The following GRID2 variants were observed in gnomAD, a reference collection of about 807,000 sequenced individuals.
GRID2 encodes glutamate ionotropic receptor delta type subunit 2.
In GRID2, 33 loss-of-function variants were observed where a neutral mutation model predicts 114.8. The observed-to-expected ratio is 0.29, with a 90% CI of 0.22 to 0.38. The LOEUF (loss-of-function observed/expected upper bound fraction) is 0.38, where lower values mean the gene tolerates loss of function less well. Ranked by LOEUF, GRID2 falls within the 10% of genes least tolerant of loss-of-function variation. The probability of loss-of-function intolerance (pLI) is 1.00; values close to 1 mark genes in which losing one functional copy is unlikely to be tolerated. For missense variants in GRID2, 1,184 were observed against 1,257.7 expected (o/e 0.94, Z 0.89); for synonymous variants, 505 against 449.9 (o/e 1.12, Z -1.55).
intron 2 of GRID2, among the ~76,000 whole-genome samples, chr4:92,874,442 CAAAT>C (rs1470258107): frequency 2.0e-5 from 3 of 152,042 alleles, no homozygotes; most frequent in African/African-American, 7.3e-5. Flanking sequence ...TCTATGCTTT[CAAAT>C]AAATGTCATA....
At chr4:92,960,087 G>A (rs1560746813) in intron 2 of GRID2, among the ~76,000 whole-genome samples, 1 of 151,948 alleles carries the variant, frequency 6.6e-6, no homozygotes, top group African/African-American at 2.4e-5. Flanking sequence ...CTATCTTTCT[G>A]TTATGGATTT....
chr4:93,783,941 G>T (rs1195746550), intron 1 of GRID2, among the ~76,000 whole-genome samples: 1 of 149,128 alleles, frequency 6.7e-6, no homozygotes, highest in Non-Finnish European at 1.5e-5. Context: ...GCGTAGTGGC[G>T]GGCGCCTGTA....
intron 11 of GRID2, among the ~76,000 whole-genome samples, chr4:93,460,429 C>T (rs1439182613): frequency 6.6e-6 from 1 of 152,180 alleles, no homozygotes; most frequent in African/African-American, 2.4e-5. Context: ...TCTACTCCCA[C>T]TCTCTGTCTT....
intron 1 of GRID2, among the ~76,000 whole-genome samples, chr4:92,480,111 T>C (rs1315254055): frequency 6.6e-6 from 1 of 152,110 alleles, no homozygotes; most frequent in Non-Finnish European, 1.5e-5. Context: ...ATAATTTTTC[T>C]TGTCAAAAAA....
chr4:93,441,017 A>G (rs1721574862), intron 10 of GRID2, among the ~76,000 whole-genome samples: 1 of 152,054 alleles, frequency 6.6e-6, no homozygotes, highest in Non-Finnish European at 1.5e-5. Context: ...GGACAAACAA[A>G]ACTTCAGTAA....
At chr4:93,440,875 T>C (rs542580130) in intron 10 of GRID2, among the ~76,000 whole-genome samples, 1 of 152,022 alleles carries the variant, frequency 6.6e-6, no homozygotes, top group East Asian at 1.9e-4. Flanking sequence ...CTTGGCCTAA[T>C]AGATGGCAAG....
intron 1 of GRID2, among the ~76,000 whole-genome samples, chr4:92,344,987 C>A (rs1034661534): frequency 4.6e-5 from 7 of 152,136 alleles, no homozygotes; most frequent in Non-Finnish European, 8.8e-5. Context: ...CACCTGTCAC[C>A]CAAGTAGTGT....
chr4:93,482,430 A>C lies in GRID2; in HGVS notation c.1859-8209A>C, dbSNP rs890676988. On this transcript the variant is annotated intron_variant, in intron 11 of 15. Coordinates refer to ENST00000282020, the MANE Select transcript of GRID2 (RefSeq NM_001510.4). ...AAAACATCATTCTCAGAAAACTAACACAGGAACAGAAAACCAAACACCACA... is the reference window on the plus strand; with the variant it reads ...AAAACATCATTCTCAGAAAACTAACCCAGGAACAGAAAACCAAACACCACA... Among the ~76,000 whole-genome samples the C allele has an allele frequency of 1.1e-4, 16 of 152,044 alleles. 1 individual carries two copies. Among genetic ancestry groups the C allele is most frequent in the Admixed American group, 8.5e-4 (13 of 15,246 alleles).
At chr4:93,487,696 C>A (rs991004614) in intron 11 of GRID2, among the ~76,000 whole-genome samples, 1 of 151,874 alleles carries the variant, frequency 6.6e-6, no homozygotes, top group African/African-American at 2.4e-5. Flanking sequence ...TTGGTATATG[C>A]CCCTCAGGGA....
intron 2 of GRID2, among the ~76,000 whole-genome samples, chr4:92,711,348 C>T (rs1735239139): frequency 6.6e-6 from 1 of 152,180 alleles, no homozygotes; most frequent in Non-Finnish European, 1.5e-5. Flanking sequence ...TCTCATCTCA[C>T]TGCAGTCCGA....
chr4:93,021,670 A>G (rs1396954610), intron 2 of GRID2, among the ~76,000 whole-genome samples: 1 of 145,150 alleles, frequency 6.9e-6, no homozygotes, highest in African/African-American at 2.5e-5. Flanking sequence ...TATGTATACT[A>G]TAAATATAAT....
At chr4:93,287,858 A>T (rs1753344826) in intron 8 of GRID2, among the ~76,000 whole-genome samples, 1 of 152,186 alleles carries the variant, frequency 6.6e-6, no homozygotes, top group African/African-American at 2.4e-5. Context: ...CACAAGTTCC[A>T]TTGATACCAG....
At chr4:93,726,797 G>T (rs1729949187) in intron 14 of GRID2, among the ~76,000 whole-genome samples, 1 of 152,042 alleles carries the variant, frequency 6.6e-6, no homozygotes, top group Non-Finnish European at 1.5e-5. Context: ...GTCTGTTATT[G>T]GTGTATAAGA....
intron 2 of GRID2, among the ~76,000 whole-genome samples, chr4:92,644,384 A>C (rs1018842683): frequency 3.3e-5 from 5 of 151,802 alleles, no homozygotes; most frequent in Non-Finnish European, 4.4e-5. Context: ...AAACAAGATG[A>C]AGAATTTGGA....
chr4:93,469,746 C>T (rs1349643054), intron 11 of GRID2, among the ~76,000 whole-genome samples: 1 of 152,042 alleles, frequency 6.6e-6, no homozygotes, highest in Non-Finnish European at 1.5e-5. Flanking sequence ...GAAAACCTTC[C>T]TTTGAAAATG....
chr4:93,771,322 GC>G (rs1165037164), intron 15 of GRID2, among the ~76,000 whole-genome samples: 1 of 152,102 alleles, frequency 6.6e-6, no homozygotes, highest in African/African-American at 2.4e-5. Context: ...GACGCCATTA[GC>G]ATAGCTTAAA....
chr4:92,383,320 C>A (rs1023640183), intron 1 of GRID2, among the ~76,000 whole-genome samples: 1 of 151,950 alleles, frequency 6.6e-6, no homozygotes, highest in Non-Finnish European at 1.5e-5. Context: ...ACTAAATAGA[C>A]ATTTCTGAAA....
At chr4:93,632,827 T>C (rs1208274917) in intron 14 of GRID2, among the ~76,000 whole-genome samples, 3 of 152,174 alleles carry the variant, frequency 2.0e-5, no homozygotes, top group African/African-American at 7.2e-5. Flanking sequence ...ATTTTCACGA[T>C]GTTGATTCTT....
At chr4:92,450,260 G>A (rs1376416245) in intron 1 of GRID2, among the ~76,000 whole-genome samples, 1 of 151,994 alleles carries the variant, frequency 6.6e-6, no homozygotes, top group Non-Finnish European at 1.5e-5. Flanking sequence ...ATTTATAATA[G>A]TAGAATGAAT....
Sources: allele counts gnomAD v4.1 joint callset (sites outside exome capture counted in the v4.1 genomes callset), GRCh38; gene constraint gnomAD v4.1.1; transcripts MANE v1.5; gene names NCBI Gene and HGNC (gene_info 2026-07-23, HGNC 2026-07-21).